Variants in FLNB observed in about 807,000 individuals in gnomAD.
FLNB encodes filamin-B.
A neutral mutation model predicts 250.6 loss-of-function variants in FLNB; 111 were observed. The ratio of observed to expected loss-of-function variants is 0.44; its 90% confidence interval spans 0.38 to 0.52. The LOEUF (loss-of-function observed/expected upper bound fraction) is 0.52, where lower values mean the gene tolerates loss of function less well. Among genes scored for constraint, FLNB ranks in the 20% least tolerant of loss-of-function variants. The pLI is 0.00. For missense variants in FLNB, 2,869 were observed against 3,447.8 expected (o/e 0.83, Z 4.20); for synonymous variants, 1,302 against 1,372.1 (o/e 0.95, Z 1.13).
chr3:58,142,713 C>A lies in FLNB; in HGVS notation c.5245C>A (p.Leu1749Met), dbSNP rs1261971364. Residue 1749 changes from leucine to methionine, a missense_variant, in exon 31 of 46, where the codon CTG becomes ATG. Physicochemically the swap from Leu to Met is conservative, Grantham distance 15. Around this residue, in one of 5 missense-constraint regions of FLNB, gnomAD observed 1,084 missense variants for 1,315.5 expected, o/e 0.82. Coordinates refer to ENST00000295956, the MANE Select transcript of FLNB (RefSeq NM_001457.4). The surrounding 1 kb of genome is among the most constrained non-coding windows in gnomAD (Gnocchi z 4.3). ...MNGLGFKPFD[L>M]VIPFAVRKGE... ...CGGCCTGGGATTTAAGCCTTTTGAC[C>A]TGGTCATTCCGTTTGCTGTCAGGAA... The A allele has an allele frequency of 6.2e-7, 1 of 1,614,234 alleles. No individual in the cohort carries two copies. Among genetic ancestry groups the A allele is most frequent in the Non-Finnish European group, 8.5e-7 (1 of 1,180,038 alleles).
chr3:58,159,372 T>TG (rs1270238779), intron 41 of FLNB, among the ~76,000 whole-genome samples, 182 bp from the exon 42 acceptor site: 1 of 152,186 alleles, frequency 6.6e-6, no homozygotes, highest in African/African-American at 2.4e-5. Context: ...ACCATGCAGA[T>TG]GCACGTCTCT....
At chr3:58,012,386 G>C (rs899464486) in intron 1 of FLNB, among the ~76,000 whole-genome samples, 7 of 152,164 alleles carry the variant, frequency 4.6e-5, no homozygotes, top group Non-Finnish European at 1.0e-4. Flanking sequence ...CACTTGTGGA[G>C]GTGACCCAGC....
At chr3:58,050,968 T>C (rs1021199996) in intron 1 of FLNB, among the ~76,000 whole-genome samples, 10 of 152,268 alleles carry the variant, frequency 6.6e-5, no homozygotes, top group African/African-American at 2.4e-4. Context: ...TGATATTGCC[T>C]GGGCAAGTGG....
chr3:58,103,689 G>A (rs918613967), intron 9 of FLNB, among the ~76,000 whole-genome samples: 8 of 152,062 alleles, frequency 5.3e-5, no homozygotes, highest in African/African-American at 1.7e-4. Context: ...AGGACCTCAG[G>A]GCCCCTCGTA....
chr3:58,045,675 C>G (rs2106818775), intron 1 of FLNB, among the ~76,000 whole-genome samples: 1 of 152,158 alleles, frequency 6.6e-6, no homozygotes, highest in Non-Finnish European at 1.5e-5. Context: ...CACGAAAGTT[C>G]AATAACTGTG....
rs2097358532 is a variant in FLNB, at chr3:58,159,705, G to A, written c.7021+19G>A. ...GAGCCAGGTGAGCAGGAGGCCTGCT[G>A]GGGGGTCCCAGCACCAGCACTTTCC... On this transcript the variant is annotated intron_variant, in intron 42 of 45. Coordinates refer to ENST00000295956, the MANE Select transcript of FLNB (RefSeq NM_001457.4). The A allele has an allele frequency of 6.2e-7, 1 of 1,610,700 alleles. No individual in the cohort carries two copies. The highest frequency in any genetic ancestry group is 8.5e-7 in the Non-Finnish European group (1 of 1,179,398).
intron 1 of FLNB, among the ~76,000 whole-genome samples, chr3:58,063,547 T>G (rs775846690): frequency 1.6e-4 from 24 of 152,176 alleles, no homozygotes; most frequent in Non-Finnish European, 3.1e-4. Context: ...GTTCCCCCTA[T>G]CTGTCCTCTG....
chr3:58,100,373 A>AAAAAAAAATATATATATATATATATATAT lies in FLNB; in HGVS notation c.1345+1466_1345+1467insAAAAAAATATATATATATATATATATATA. Reference sequence around the variant, plus strand: ...AATGATTTTACATATGTAAAAAAAAAATATATATATATTTGCAGGGGCGCG... The same window carrying AAAAAAAAATATATATATATATATATATAT: ...AATGATTTTACATATGTAAAAAAAAAAAAAAAAATATATATATATATATATATATATATATATATATTTGCAGGGGCGCG... On this transcript the variant is annotated intron_variant, in intron 8 of 45. Coordinates refer to ENST00000295956, the MANE Select transcript of FLNB (RefSeq NM_001457.4). 3.7e-4 allele frequency among the ~76,000 whole-genome samples: 39 copies of AAAAAAAAATATATATATATATATATATAT among 104,340 alleles called. 2 individuals are homozygous for AAAAAAAAATATATATATATATATATATAT. The highest frequency in any genetic ancestry group is 1.7e-3 in the African/African-American group (37 of 21,908). 68.5% of individuals were successfully genotyped at this position (104,340 alleles called of 152,430 possible). A position where few individuals can be genotyped will look rare whatever the true frequency, so the allele number is the denominator to read the frequency against.
chr3:58,037,350 C>T (rs1414669176), intron 1 of FLNB, among the ~76,000 whole-genome samples: 1 of 152,166 alleles, frequency 6.6e-6, no homozygotes, highest in Non-Finnish European at 1.5e-5. Context: ...TAGGCGTAAG[C>T]CACCACGCCT....
chr3:58,123,547 A>G lies in FLNB; in HGVS notation c.3581A>G (p.Tyr1194Cys). 6.2e-7 allele frequency: 1 copy of G among 1,609,474 alleles called. No homozygotes were observed. Among genetic ancestry groups the G allele is most frequent in the Non-Finnish European group, 8.5e-7 (1 of 1,178,084 alleles). Residue 1194 changes from tyrosine (Y) to cysteine (C), a missense_variant, in exon 21 of 46, where the codon TAC (tyrosine) becomes TGC (cysteine). By Grantham distance (194) the Tyr-to-Cys change is radical. Transcript: ENST00000295956. ...NNKDGTYAVT[Y>C]VPLTAGMYTL... Reference sequence around the variant, plus strand: ...AAAGATGGCACCTACGCGGTGACCTACGTGCCCCTGACGGCCGGCATGTAC... The same window carrying G: ...AAAGATGGCACCTACGCGGTGACCTGCGTGCCCCTGACGGCCGGCATGTAC...
chr3:58,080,926 T>C (rs576449768), intron 3 of FLNB, among the ~76,000 whole-genome samples: 207 of 151,828 alleles, frequency 1.4e-3, no homozygotes, highest in African/African-American at 4.7e-3. Flanking sequence ...CCCTAGTAGC[T>C]GGGATTACAG....
At chr3:58,096,498 T>C (rs1007480982) in intron 6 of FLNB, among the ~76,000 whole-genome samples, 5 of 150,774 alleles carry the variant, frequency 3.3e-5, no homozygotes, top group Non-Finnish European at 7.4e-5. Flanking sequence ...ACACTATAGA[T>C]GGGTTCTTTG....
chr3:58,145,082 ATGTATTATC>A (rs1174225638), intron 32 of FLNB, among the ~76,000 whole-genome samples: 1 of 152,218 alleles, frequency 6.6e-6, no homozygotes, highest in Admixed American at 6.5e-5. Flanking sequence ...TAAAGCAAAA[ATGTATTATC>A]TGCTTCTATT....
chr3:58,141,136 C>T (rs1203796670), intron 29 of FLNB, among the ~76,000 whole-genome samples: 2 of 152,086 alleles, frequency 1.3e-5, no homozygotes, highest in East Asian at 3.9e-4. Context: ...GCCTCTAGTC[C>T]CAACTGCTCA....
Position 58,102,251 on chromosome 3 carries a change from A to C in FLNB, c.1394A>C (p.Lys465Thr). The C allele has an allele frequency of 6.2e-7, 1 of 1,614,190 alleles. No individual in the cohort carries two copies. The highest frequency in any genetic ancestry group is 8.5e-7 in the Non-Finnish European group (1 of 1,180,024). ...GCCAGTGGCCGAGGCCTACAACCCA[A>C]AGGCGTCCGTATCCGGGAGACCACA... ...CRASGRGLQP[K>T]GVRIRETTDF... Residue 465 changes from lysine (K) to threonine (T), a missense_variant, in exon 9 of 46, where the codon AAA (lysine) becomes ACA (threonine). This residue lies in a region of FLNB where 1,348 missense variants were observed against 1,466.7 expected (regional missense o/e 0.92). Coordinates refer to ENST00000295956, the MANE Select transcript of FLNB (RefSeq NM_001457.4).
At chr3:58,098,391 C>T (rs1181992794) in intron 7 of FLNB, among the ~76,000 whole-genome samples, 3 of 152,186 alleles carry the variant, frequency 2.0e-5, no homozygotes, top group Non-Finnish European at 4.4e-5. Flanking sequence ...AGTGCAGTGG[C>T]GTGATCTTGG....
At chr3:58,068,646 A>T (rs2097189534) in intron 1 of FLNB, among the ~76,000 whole-genome samples, 1 of 152,206 alleles carries the variant, frequency 6.6e-6, no homozygotes, top group Non-Finnish European at 1.5e-5. Flanking sequence ...ACAGGCAAGG[A>T]TGGAGAGAAA....
At chr3:58,116,996 T>C (rs1350126753) in intron 18 of FLNB, among the ~76,000 whole-genome samples, 1 of 152,176 alleles carries the variant, frequency 6.6e-6, no homozygotes, top group African/African-American at 2.4e-5. Flanking sequence ...CTAAAAGGGA[T>C]GGTGCTGAGG....
At chr3:58,125,965 TCAA>T (rs1191888753) in intron 23 of FLNB, among the ~76,000 whole-genome samples, 7 of 152,358 alleles carry the variant, frequency 4.6e-5, no homozygotes, top group African/African-American at 1.7e-4. Flanking sequence ...CAGGAGTCAA[TCAA>T]GCTCTATAAC....
Sources: allele counts gnomAD v4.1 joint callset (sites outside exome capture counted in the v4.1 genomes callset), GRCh38; gene constraint gnomAD v4.1.1; regional missense constraint gnomAD v4.1.1; non-coding constraint Gnocchi (gnomAD v3.1); transcripts MANE v1.5; gene names NCBI Gene and HGNC (gene_info 2026-07-23, HGNC 2026-07-21).